Variants in UMAD1 observed in about 807,000 individuals in gnomAD.
UMAD1 encodes the protein UBAP1-MVB12-associated (UMA)-domain containing protein 1.
In UMAD1, 8 loss-of-function variants were observed where a neutral mutation model predicts 6.1. The observed-to-expected ratio is 1.30, with a 90% CI of 0.76 to 2.35. The LOEUF is 2.35. UMAD1 is among the 30% of genes most tolerant of loss of function. The pLI is 0.00. For missense variants in UMAD1, 130 were observed against 78.4 expected (o/e 1.66, Z -2.49); for synonymous variants, 56 against 31.4 (o/e 1.78, Z -2.61).
chr7:7,789,213 A>G (rs1464764250), intron 2 of UMAD1, among the ~76,000 whole-genome samples: 1 of 152,162 alleles, frequency 6.6e-6, no homozygotes, highest in Admixed American at 6.6e-5. Flanking sequence ...TGGTCAAACT[A>G]TTTCTTGTAG....
intron 3 of UMAD1, among the ~76,000 whole-genome samples, chr7:7,839,184 G>A (rs771513744): frequency 7.2e-5 from 11 of 152,132 alleles, no homozygotes; most frequent in Non-Finnish European, 1.5e-4. Context: ...GATGGAGTAA[G>A]GAAGTATGGA....
At chr7:7,852,091 C>G (rs1783926587) in intron 3 of UMAD1, among the ~76,000 whole-genome samples, 1 of 152,126 alleles carries the variant, frequency 6.6e-6, no homozygotes, top group African/African-American at 2.4e-5. Flanking sequence ...TTTGCTGTGA[C>G]TATCCAGTTG....
At chr7:7,697,720 T>C (rs886637154) in intron 2 of UMAD1, among the ~76,000 whole-genome samples, 11 of 152,240 alleles carry the variant, frequency 7.2e-5, no homozygotes, top group African/African-American at 2.4e-4. Flanking sequence ...CTTTAAATTA[T>C]GGATCATCAG....
chr7:7,754,075 C>T (rs951439916), intron 2 of UMAD1, among the ~76,000 whole-genome samples: 1 of 152,098 alleles, frequency 6.6e-6, no homozygotes, highest in Non-Finnish European at 1.5e-5. Context: ...ATCACAGCTA[C>T]TCAGGAGGCT....
intron 2 of UMAD1, among the ~76,000 whole-genome samples, chr7:7,784,094 A>C (rs562646883): frequency 6.6e-6 from 1 of 152,292 alleles, no homozygotes; most frequent in East Asian, 1.9e-4. Flanking sequence ...GTATTAGAAG[A>C]AGTGTGGATC....
chr7:7,867,499 C>T (rs999689847), intron 3 of UMAD1, among the ~76,000 whole-genome samples: 15 of 151,990 alleles, frequency 9.9e-5, no homozygotes, highest in African/African-American at 3.4e-4. Flanking sequence ...ACAAGTGTAC[C>T]GAAGCCAAGA....
At chr7:7,754,239 C>T (rs1781733840) in intron 2 of UMAD1, among the ~76,000 whole-genome samples, 1 of 151,988 alleles carries the variant, frequency 6.6e-6, no homozygotes, top group African/African-American at 2.4e-5. Context: ...TACAGGGGTT[C>T]CCTTTTCTCC....
intron 3 of UMAD1, among the ~76,000 whole-genome samples, chr7:7,818,585 A>G (rs12702658): frequency 0.59 from 89,735 of 151,978 alleles, 26,708 homozygotes; most frequent in Non-Finnish European, 0.61. Context: ...AATTAGTTCA[A>G]CCATTGTGAA....
At chr7:7,793,892 T>C (rs936995203) in intron 2 of UMAD1, among the ~76,000 whole-genome samples, 2 of 152,220 alleles carry the variant, frequency 1.3e-5, no homozygotes, top group Non-Finnish European at 2.9e-5. Flanking sequence ...CTCTGCAAGA[T>C]GTTTAATAGG....
intron 2 of UMAD1, among the ~76,000 whole-genome samples, chr7:7,760,024 C>T (rs1029438617): frequency 6.6e-6 from 1 of 152,072 alleles, no homozygotes; most frequent in Non-Finnish European, 1.5e-5. Flanking sequence ...CCAAAGAGAC[C>T]CTGGCTTACA....
chr7:7,870,366 G>A (rs1183828171), intron 3 of UMAD1, among the ~76,000 whole-genome samples: 2 of 152,108 alleles, frequency 1.3e-5, no homozygotes, highest in African/African-American at 4.8e-5. Context: ...CTGTGAACAG[G>A]ATTCATCACA....
intron 1 of UMAD1, among the ~76,000 whole-genome samples, chr7:7,668,869 A>G (rs796150042): frequency 3.3e-5 from 5 of 152,254 alleles, no homozygotes; most frequent in African/African-American, 1.2e-4. Flanking sequence ...CTCAGGAGGA[A>G]CCAGCTCTGG....
intron 3 of UMAD1, among the ~76,000 whole-genome samples, chr7:7,827,157 G>A (rs1783362390): frequency 6.7e-6 from 1 of 150,356 alleles, no homozygotes. Flanking sequence ...ATGTGTGTGT[G>A]TGTGTGTGTG....
intron 2 of UMAD1, among the ~76,000 whole-genome samples, chr7:7,796,709 T>A (rs1416905217): frequency 6.6e-6 from 1 of 152,152 alleles, no homozygotes; most frequent in East Asian, 1.9e-4. Context: ...AGATCCTGGA[T>A]TCTAGTGGAA....
chr7:7,709,142 A>G (rs1189767561), intron 2 of UMAD1, among the ~76,000 whole-genome samples: 1 of 152,174 alleles, frequency 6.6e-6, no homozygotes, highest in Non-Finnish European at 1.5e-5. Flanking sequence ...GGGATTTTGT[A>G]ATGGTTAAAT....
intron 2 of UMAD1, among the ~76,000 whole-genome samples, chr7:7,677,156 G>A (rs1430276720): frequency 6.6e-6 from 1 of 152,030 alleles, no homozygotes; most frequent in African/African-American, 2.4e-5. Context: ...CAGGGTACAT[G>A]TGATGTTTTG....
At chr7:7,642,689 T>C (rs887961244) in intron 1 of UMAD1, among the ~76,000 whole-genome samples, 2 of 152,114 alleles carry the variant, frequency 1.3e-5, no homozygotes, top group Admixed American at 6.5e-5. Flanking sequence ...ATTTGCATAG[T>C]TTTGAGAGAA....
intron 2 of UMAD1, among the ~76,000 whole-genome samples, chr7:7,681,022 A>G (rs1779899029): frequency 6.6e-6 from 1 of 152,126 alleles, no homozygotes; most frequent in Non-Finnish European, 1.5e-5. Flanking sequence ...ACATTACAGA[A>G]AAATAAATAT....
chr7:7,729,765 A>G (rs767850765), intron 2 of UMAD1, among the ~76,000 whole-genome samples: 2 of 152,192 alleles, frequency 1.3e-5, no homozygotes, highest in African/African-American at 2.4e-5. Flanking sequence ...TACCCCAGTC[A>G]TTCTCTGCTG....
Sources: gnomAD v4.1 joint callset for allele counts (sites outside exome capture counted in the v4.1 genomes callset) on GRCh38, gnomAD v4.1.1 for gene constraint, MANE v1.5 for transcripts, NCBI Gene and HGNC (gene_info 2026-07-23, HGNC 2026-07-21) for gene names.